Variants in PCDHGA10 observed in about 807,000 individuals in gnomAD.
PCDHGA10 encodes the protein protocadherin gamma subfamily A, 10, also known as protocadherin gamma-A10.
A neutral mutation model predicts 59.5 loss-of-function variants in PCDHGA10; 42 were observed. That is an observed-to-expected ratio of 0.71 (90% confidence interval 0.55 to 0.91). The LOEUF (loss-of-function observed/expected upper bound fraction) is 0.91. PCDHGA10 is among the 40% of genes least tolerant of loss of function. The pLI is 0.00. For missense variants in PCDHGA10, 1,111 were observed against 1,198.2 expected (o/e 0.93, Z 1.07); for synonymous variants, 511 against 517.2 (o/e 0.99, Z 0.16).
intron 1 of PCDHGA10, chr5:141,442,166 A>G (rs2098306007): frequency 6.4e-6 from 1 of 156,354 alleles, no homozygotes; most frequent in Non-Finnish European, 1.4e-5. Flanking sequence ...TCACTCTGCA[A>G]AGCTACAGCC....
At chr5:141,423,745 C>A (rs561499055) in intron 1 of PCDHGA10, 2 of 605,688 alleles carry the variant, frequency 3.3e-6, no homozygotes, top group Non-Finnish European at 4.0e-6. Context: ...GTTATGAAAA[C>A]TGTTTGGGGG....
chr5:141,461,389 G>T (rs2099014363), intron 1 of PCDHGA10, among the ~76,000 whole-genome samples: 1 of 152,110 alleles, frequency 6.6e-6, no homozygotes. Context: ...CTGATGATTA[G>T]CGATGTTGAG....
chr5:141,413,606 TA>T lies in PCDHGA10; in HGVS notation c.436del (p.Ile146LeufsTer23), dbSNP rs778210256. The T allele has an allele frequency of 6.8e-6, 11 of 1,613,848 alleles. No individual in the cohort carries two copies. Among genetic ancestry groups the T allele is most frequent in the Admixed American group, 5.0e-5 (3 of 60,030 alleles). On this transcript the variant is annotated frameshift_variant, in exon 1 of 4. Transcript: ENST00000398610. LOFTEE classifies it high-confidence loss of function. ...AAATTCCAAGCAGAAAATCTAGACG[TA>T]AAAATTAATGAAAATGTCGCTGCGG... The part of the protein sequence containing the change: ...APKFQAENLD[V>X]KINENVAAGM...
At chr5:141,466,510 AT>A (rs1222513096) in intron 1 of PCDHGA10, among the ~76,000 whole-genome samples, 1 of 151,938 alleles carries the variant, frequency 6.6e-6, no homozygotes, top group Non-Finnish European at 1.5e-5. Context: ...AGACAAGATC[AT>A]TTTTTTTCCT....
rs986276637 is a variant in PCDHGA10, at chr5:141,487,728, C to A, written c.2437-7079C>A. The A allele has an allele frequency of 3.2e-6, 5 of 1,570,444 alleles. No individual in the cohort carries two copies. The highest frequency in any genetic ancestry group is 2.3e-5 in the East Asian group (1 of 42,866). On this transcript the variant is annotated intron_variant, in intron 1 of 3. Transcript: ENST00000398610. The surrounding 1 kb of genome is among the most constrained non-coding windows in gnomAD (Gnocchi z 5.0). ...TCAGTAAGTGCCCATAGTGATGTCACCATTTTTGTAAGAGGTAACTATGTG... is the reference window on the plus strand; with the variant it reads ...TCAGTAAGTGCCCATAGTGATGTCAACATTTTTGTAAGAGGTAACTATGTG...
rs2099396190 is a variant in PCDHGA10 at position 141,476,685 on chromosome 5, G to A, written c.2437-18122G>A. On this transcript the variant is annotated intron_variant, in intron 1 of 3. Coordinates refer to ENST00000398610, the MANE Select transcript of PCDHGA10 (RefSeq NM_018913.3). This position sits in a 1 kb window ranked among gnomAD's most constrained non-coding sequence, Gnocchi z 7.6. ...CTTCGCGTGCAGACGCGGGAGGACA[G>A]CACCAAGTACGCGGAGCTGGTGTTG... 3.1e-6 allele frequency: 5 copies of A among 1,614,102 alleles called. No homozygotes were observed.
chr5:141,475,989 A>G, intron 1 of PCDHGA10: 1 of 1,130,622 alleles, frequency 8.8e-7, no homozygotes, highest in Non-Finnish European at 1.3e-6. Flanking sequence ...CCGGCGAGCA[A>G]ATCAACGGCA....
rs1329435709 is a variant in PCDHGA10 at position 141,485,726 on chromosome 5, C to T, written c.2437-9081C>T. ...ACACTTTGCACTGGATGTGAAGAAGCGCAGCGACGGCAGCCTGGTCCCAGA... is the reference window on the plus strand; with the variant it reads ...ACACTTTGCACTGGATGTGAAGAAGTGCAGCGACGGCAGCCTGGTCCCAGA... On this transcript the variant is annotated intron_variant, in intron 1 of 3. Coordinates refer to ENST00000398610, the MANE Select transcript of PCDHGA10 (RefSeq NM_018913.3). This position sits in a 1 kb window ranked among gnomAD's most constrained non-coding sequence, Gnocchi z 5.7. 2 of 1,614,138 alleles carry T rather than the reference C, an allele frequency of 1.2e-6. No homozygotes were observed. The highest frequency in any genetic ancestry group is 8.5e-7 in the Non-Finnish European group (1 of 1,180,024).
rs1375121802 is a variant in PCDHGA10 at position 141,432,471 on chromosome 5, G to A, written c.2436+16860G>A. 2 of 1,614,094 alleles carry A rather than the reference G, an allele frequency of 1.2e-6. No homozygotes were observed. Among genetic ancestry groups the A allele is most frequent in the African/African-American group, 2.7e-5 (2 of 74,946 alleles). ...CTGTACCCCGCCCTCCCCACGGACG[G>A]TTCCACTGGCGTGGAGCTGGCTCCC... is the stretch of plus-strand genomic sequence containing the variant. On this transcript the variant is annotated intron_variant, in intron 1 of 3. Coordinates refer to ENST00000398610, the MANE Select transcript of PCDHGA10 (RefSeq NM_018913.3). The surrounding 1 kb of genome is among the most constrained non-coding windows in gnomAD (Gnocchi z 6.0).
Position 141,486,344 on chromosome 5 carries a change from G to C in PCDHGA10, c.2437-8463G>C. 6.2e-7 allele frequency: 1 copy of C among 1,614,062 alleles called. No homozygotes were observed. The highest frequency in any genetic ancestry group is 8.5e-7 in the Non-Finnish European group (1 of 1,180,022). On this transcript the variant is annotated intron_variant, in intron 1 of 3. Transcript: ENST00000398610. The surrounding 1 kb of genome is among the most constrained non-coding windows in gnomAD (Gnocchi z 5.0). Reference sequence around the variant, plus strand: ...CGGAGATGTGAGCCTCCGCATTCCTGACCACTTGCCATTTGCCCTCAAGTC... The same window carrying C: ...CGGAGATGTGAGCCTCCGCATTCCTCACCACTTGCCATTTGCCCTCAAGTC...
chr5:141,436,600 G>C (rs1054182433), intron 1 of PCDHGA10, among the ~76,000 whole-genome samples: 2 of 152,154 alleles, frequency 1.3e-5, no homozygotes, highest in African/African-American at 2.4e-5. Context: ...CGTGGTGATG[G>C]CTAGGGCTAA....
rs776293224 is a variant in PCDHGA10, at chr5:141,477,889, A to G, written c.2437-16918A>G. Reference sequence around the variant, plus strand: ...GTACCTCAGCTGGCCACCTAGTGTCACGGGTGGTAGGCTGGGACGCGGATG... The same window carrying G: ...GTACCTCAGCTGGCCACCTAGTGTCGCGGGTGGTAGGCTGGGACGCGGATG... On this transcript the variant is annotated intron_variant, in intron 1 of 3. Coordinates refer to ENST00000398610, the MANE Select transcript of PCDHGA10 (RefSeq NM_018913.3). This position sits in a 1 kb window ranked among gnomAD's most constrained non-coding sequence, Gnocchi z 4.9. The G allele has an allele frequency of 1.8e-5, 29 of 1,614,034 alleles. No individual in the cohort carries two copies. Among genetic ancestry groups the G allele is most frequent in the Non-Finnish European group, 2.5e-5 (29 of 1,180,026 alleles).
rs755163825 is a variant in PCDHGA10, at chr5:141,491,048, C to A, written c.2437-3759C>A. 6.2e-6 allele frequency: 10 copies of A among 1,613,948 alleles called. No individual in the cohort carries two copies. Among genetic ancestry groups the A allele is most frequent in the Non-Finnish European group, 7.6e-6 (9 of 1,179,960 alleles). ...GTGGATGCTGATGCAGGCCACAATG[C>A]GTGGCTCTCCTACTCACTGTTGCCA... On this transcript the variant is annotated intron_variant, in intron 1 of 3. Coordinates refer to ENST00000398610, the MANE Select transcript of PCDHGA10 (RefSeq NM_018913.3). The surrounding 1 kb of genome is among the most constrained non-coding windows in gnomAD (Gnocchi z 6.9).
At position 141,490,409 on chromosome 5, in the gene PCDHGA10, C is replaced by G; in HGVS notation, c.2437-4398C>G. On this transcript the variant is annotated intron_variant, in intron 1 of 3. Transcript: ENST00000398610. The surrounding 1 kb of genome is among the most constrained non-coding windows in gnomAD (Gnocchi z 5.4). ...AATGGTGAAGTGAGCCTTGATATCT[C>G]TCCGGACCTGCCATTTCAGATTAAG... 1 of 1,614,202 alleles carries G rather than the reference C, an allele frequency of 6.2e-7. No homozygotes were observed. Among genetic ancestry groups the G allele is most frequent in the Non-Finnish European group, 8.5e-7 (1 of 1,180,038 alleles).
chr5:141,486,284 C>G lies in PCDHGA10; in HGVS notation c.2437-8523C>G, dbSNP rs1259853159. ...TGCAGAACCTGGCACTGTGGTGGCA[C>G]TTATCAGTGTGCAGGATCCAGACTC... On this transcript the variant is annotated intron_variant, in intron 1 of 3. Transcript: ENST00000398610. This position sits in a 1 kb window ranked among gnomAD's most constrained non-coding sequence, Gnocchi z 5.0. The G allele has an allele frequency of 6.2e-7, 1 of 1,614,050 alleles. No homozygotes were observed. The highest frequency in any genetic ancestry group is 8.5e-7 in the Non-Finnish European group (1 of 1,179,988).
chr5:141,422,296 A>C, intron 1 of PCDHGA10: 1 of 1,550,706 alleles, frequency 6.4e-7, no homozygotes, highest in South Asian at 1.3e-5. Context: ...TATTAATTCA[A>C]TTCTGGAAAA....
chr5:141,505,259 C>A, intron 2 of PCDHGA10, 134 bp from the exon 3 acceptor site: 1 of 1,500,262 alleles, frequency 6.7e-7, no homozygotes, highest in Non-Finnish European at 8.9e-7. Context: ...GTGCCTCCTA[C>A]CTTGCTGAGA....
rs750109717 is a variant in PCDHGA10, at chr5:141,490,546, A to C, written c.2437-4261A>C. 1.9e-6 allele frequency: 3 copies of C among 1,614,110 alleles called. No individual in the cohort carries two copies. Among genetic ancestry groups the C allele is most frequent in the Non-Finnish European group, 2.5e-6 (3 of 1,180,036 alleles). On this transcript the variant is annotated intron_variant, in intron 1 of 3. Transcript: ENST00000398610. The surrounding 1 kb of genome is among the most constrained non-coding windows in gnomAD (Gnocchi z 5.4). ...CGATGCTGGTTCACCTTCCCTACAC[A>C]AACATCTCACCATCAGGCTCAACAT...
Position 141,487,059 on chromosome 5 carries a change from G to A in PCDHGA10, c.2437-7748G>A, listed in dbSNP as rs760836605. 1.7e-5 allele frequency: 27 copies of A among 1,613,952 alleles called. No homozygotes were observed. Among genetic ancestry groups the A allele is most frequent in the Non-Finnish European group, 2.0e-5 (24 of 1,179,994 alleles). On this transcript the variant is annotated intron_variant, in intron 1 of 3. Transcript: ENST00000398610. This position sits in a 1 kb window ranked among gnomAD's most constrained non-coding sequence, Gnocchi z 5.0. ...GTCTCTCGATATGCTGGGGAGGTGC[G>A]GACGGCTGTTCCTATCCCAGCTGAC...
Sources: gnomAD v4.1 joint callset for allele counts (sites outside exome capture counted in the v4.1 genomes callset) on GRCh38, gnomAD v4.1.1 for gene constraint, Gnocchi (gnomAD v3.1) non-coding constraint, MANE v1.5 for transcripts, NCBI Gene and HGNC (gene_info 2026-07-23, HGNC 2026-07-21) for gene names.